The following RAD51B variants were observed in gnomAD, a reference collection of about 807,000 sequenced individuals.
RAD51B encodes the protein RAD51 paralog B, also known as DNA repair protein RAD51 homolog 2.
Under a neutral mutation model 42.2 loss-of-function variants are expected in RAD51B, and 38 were observed. The observed-to-expected ratio is 0.90, with a 90% CI of 0.70 to 1.18. The LOEUF (loss-of-function observed/expected upper bound fraction) is 1.18. RAD51B is among the 50% of genes most tolerant of loss of function. The probability of loss-of-function intolerance (pLI) is 0.00; values close to 1 mark genes in which losing one functional copy is unlikely to be tolerated. For missense variants in RAD51B, 373 were observed against 400.7 expected (o/e 0.93, Z 0.59); for synonymous variants, 154 against 145.2 (o/e 1.06, Z -0.43).
At chr14:67,882,889 C>T (rs989422800) in intron 5 of RAD51B, among the ~76,000 whole-genome samples, 26 of 152,102 alleles carry the variant, frequency 1.7e-4, no homozygotes, top group Non-Finnish European at 2.9e-4. Context: ...GGATTACAGG[C>T]GCCCGTCACC....
At chr14:68,356,390 G>A (rs1299165357) in intron 8 of RAD51B, among the ~76,000 whole-genome samples, 2 of 136,976 alleles carry the variant, frequency 1.5e-5, no homozygotes, top group African/African-American at 5.5e-5. Flanking sequence ...AGCCGAGGTT[G>A]TGTCACTGCA....
chr14:68,615,439 G>A (rs751873017), downstream of RAD51B, among the ~76,000 whole-genome samples: 14 of 151,750 alleles, frequency 9.2e-5, no homozygotes, highest in Non-Finnish European at 1.9e-4. Context: ...TCTGCCTCCC[G>A]GGTTCACACC....
intron 11 of RAD51B, among the ~76,000 whole-genome samples, chr14:68,667,009 G>T (rs116966916): frequency 1.3e-5 from 2 of 152,170 alleles, no homozygotes; most frequent in Non-Finnish European, 2.9e-5. Context: ...CTGAAGTCAC[G>T]TGTTTCAGGT....
chr14:68,339,485 A>AG, intron 8 of RAD51B: 3 of 456,836 alleles, frequency 6.6e-6, no homozygotes, highest in Non-Finnish European at 7.7e-6. Flanking sequence ...TGACAGCAGG[A>AG]GCTGGAGCCA....
chr14:68,477,527 A>G, intron 10 of RAD51B, 121 bp from the exon 11 acceptor site: 2 of 1,199,174 alleles, frequency 1.7e-6, no homozygotes, highest in Non-Finnish European at 2.3e-6. Flanking sequence ...TCTGTGGGCA[A>G]TACGTATGAA....
At chr14:68,563,878 T>G (rs1889284342) in intron 10 of RAD51B, 1 of 985,388 alleles carries the variant, frequency 1.0e-6, no homozygotes, top group South Asian at 4.7e-5. Context: ...AAGCCTGTGC[T>G]CTGCAGCCTT....
At chr14:68,587,961 C>G (rs980690063) in intron 10 of RAD51B, among the ~76,000 whole-genome samples, 11 of 152,168 alleles carry the variant, frequency 7.2e-5, no homozygotes, top group Non-Finnish European at 1.5e-5. Flanking sequence ...AAACGCGGGC[C>G]TGGAACCTGC....
intron 9 of RAD51B, among the ~76,000 whole-genome samples, chr14:68,445,583 A>G (rs553903254): frequency 6.6e-6 from 1 of 152,320 alleles, no homozygotes; most frequent in Non-Finnish European, 1.5e-5. Context: ...TTATTCACCA[A>G]TTTAAGGTAT....
At chr14:68,128,959 G>A (rs753559634) in intron 7 of RAD51B, among the ~76,000 whole-genome samples, 1 of 152,126 alleles carries the variant, frequency 6.6e-6, no homozygotes, top group Non-Finnish European at 1.5e-5. Flanking sequence ...CACAAACTAA[G>A]CCAGTTGCAG....
chr14:68,318,869 A>C (rs562555997), intron 8 of RAD51B, among the ~76,000 whole-genome samples: 4 of 152,334 alleles, frequency 2.6e-5, no homozygotes, highest in Middle Eastern at 3.4e-3. Flanking sequence ...TATTTTTGGA[A>C]GAACATAACT....
chr14:68,402,205 C>G (rs2084125411), intron 8 of RAD51B, among the ~76,000 whole-genome samples: 1 of 152,204 alleles, frequency 6.6e-6, no homozygotes, highest in Non-Finnish European at 1.5e-5. Flanking sequence ...CATCTTGAAT[C>G]TTTATTCTAA....
intron 7 of RAD51B, among the ~76,000 whole-genome samples, chr14:68,087,705 C>T (rs1404435918): frequency 2.7e-5 from 4 of 150,504 alleles, no homozygotes. Flanking sequence ...TAATGTGCAT[C>T]ATGGTTAGAA....
At chr14:68,500,861 T>C (rs1884869113) in intron 10 of RAD51B, among the ~76,000 whole-genome samples, 1 of 152,092 alleles carries the variant, frequency 6.6e-6, no homozygotes, top group Admixed American at 6.5e-5. Flanking sequence ...CACAACTCCC[T>C]CTCCTGCTGG....
At chr14:68,126,829 A>G (rs1189098634) in intron 7 of RAD51B, among the ~76,000 whole-genome samples, 1 of 152,194 alleles carries the variant, frequency 6.6e-6, no homozygotes, top group African/African-American at 2.4e-5. Flanking sequence ...TGGAATGAGA[A>G]TCTCAAGGTG....
At chr14:68,211,551 A>G (rs1415066565) in intron 7 of RAD51B, among the ~76,000 whole-genome samples, 4 of 152,264 alleles carry the variant, frequency 2.6e-5, no homozygotes, top group Admixed American at 2.6e-4. Flanking sequence ...GCCTTAGGCC[A>G]GAGTGAATTA....
chr14:68,110,794 C>G (rs1173116720), intron 7 of RAD51B, among the ~76,000 whole-genome samples: 3 of 151,948 alleles, frequency 2.0e-5, no homozygotes, highest in African/African-American at 7.2e-5. Flanking sequence ...CTCAAAAGCC[C>G]ATGATCTATT....
At chr14:68,159,574 C>T (rs543118662) in intron 7 of RAD51B, among the ~76,000 whole-genome samples, 3 of 150,166 alleles carry the variant, frequency 2.0e-5, no homozygotes, top group Admixed American at 1.3e-4. Flanking sequence ...GAGCTGAGAT[C>T]GCACCACTGT....
chr14:68,399,259 G>GTTTTT (rs397719053), intron 8 of RAD51B, among the ~76,000 whole-genome samples: 2 of 136,026 alleles, frequency 1.5e-5, no homozygotes, highest in African/African-American at 5.4e-5. Flanking sequence ...TTTTTTTTGT[G>GTTTTT]TTTTTTTTTT....
intron 9 of RAD51B, among the ~76,000 whole-genome samples, chr14:68,443,652 T>G (rs1390294044): frequency 6.6e-6 from 1 of 152,150 alleles, no homozygotes; most frequent in African/African-American, 2.4e-5. Flanking sequence ...TTTCAAATGC[T>G]CAAAACCAAG....
Sources: gnomAD v4.1 joint callset for allele counts (sites outside exome capture counted in the v4.1 genomes callset) on GRCh38, gnomAD v4.1.1 for gene constraint, MANE v1.5 for transcripts, NCBI Gene and HGNC (gene_info 2026-07-23, HGNC 2026-07-21) for gene names.